The following OVCH1 variants were observed in gnomAD, a reference collection of about 807,000 sequenced individuals.
OVCH1 encodes the protein ovochymase 1.
A neutral mutation model predicts 138.4 loss-of-function variants in OVCH1; 139 were observed. The ratio of observed to expected loss-of-function variants is 1.00; its 90% CI spans 0.87 to 1.16. The LOEUF (loss-of-function observed/expected upper bound fraction) is 1.16. Among genes scored for constraint, OVCH1 ranks in the 50% most tolerant of loss-of-function variants. The pLI, the probability that OVCH1 is intolerant of heterozygous loss-of-function variation, is 0.00. For synonymous variants in OVCH1, 453 were observed against 467.8 expected (o/e 0.97, Z 0.41); for missense variants, 1,367 against 1,357.9 (o/e 1.01, Z -0.11).
chr12:29,492,397 G>T (rs1943297273), intron 4 of OVCH1, among the ~76,000 whole-genome samples: 1 of 152,054 alleles, frequency 6.6e-6, no homozygotes. Flanking sequence ...AGATAATAAT[G>T]ACATTGATTT....
chr12:29,495,834 GT>G (rs987650118), intron 3 of OVCH1, among the ~76,000 whole-genome samples: 4 of 152,098 alleles, frequency 2.6e-5, no homozygotes, highest in African/African-American at 9.7e-5. Context: ...AATTTCTGCA[GT>G]TTTTTCCCTC....
intron 21 of OVCH1, among the ~76,000 whole-genome samples, chr12:29,454,214 C>T (rs1941879683): frequency 6.6e-6 from 1 of 152,136 alleles, no homozygotes; most frequent in Non-Finnish European, 1.5e-5. Context: ...AGTCATCACT[C>T]TTGCAATTCT....
chr12:29,410,770 A>G (rs1940944169), downstream of OVCH1, among the ~76,000 whole-genome samples: 1 of 151,572 alleles, frequency 6.6e-6, no homozygotes, highest in South Asian at 2.1e-4. Flanking sequence ...AACTTTGGTG[A>G]ATCTGACAAT....
chr12:29,460,778 C>T (rs1650221594), intron 19 of OVCH1, among the ~76,000 whole-genome samples: 1 of 151,914 alleles, frequency 6.6e-6, no homozygotes, highest in South Asian at 2.1e-4. Flanking sequence ...CCATCTCCTC[C>T]CTTTCCTACT....
intron 18 of OVCH1, among the ~76,000 whole-genome samples, chr12:29,462,978 G>A (rs999366644): frequency 1.3e-5 from 2 of 152,146 alleles, no homozygotes; most frequent in East Asian, 1.9e-4. Flanking sequence ...GAATGAATTC[G>A]TCTTTTATAA....
chr12:29,409,000 T>G (rs1940918387), downstream of OVCH1, among the ~76,000 whole-genome samples: 3 of 152,178 alleles, frequency 2.0e-5, no homozygotes. Flanking sequence ...GTTATTGGTC[T>G]ATTCAGAGAT....
chr12:29,472,943 A>G, intron 15 of OVCH1, 86 bp downstream of exon 15: 1 of 1,156,778 alleles, frequency 8.6e-7, no homozygotes, highest in East Asian at 2.5e-5. Flanking sequence ...AGTTATAGCC[A>G]ATGTAAGATA....
chr12:29,411,991 TAAGC>T (rs1051005779), downstream of OVCH1, among the ~76,000 whole-genome samples: 4 of 143,970 alleles, frequency 2.8e-5, no homozygotes, highest in African/African-American at 5.0e-5. Flanking sequence ...TTTATTTACC[TAAGC>T]AAGCCTGGGC....
intron 21 of OVCH1, 77 bp downstream of exon 21, chr12:29,454,764 T>A (rs1941897220): frequency 7.6e-7 from 1 of 1,320,842 alleles, no homozygotes; most frequent in African/African-American, 1.5e-5. Context: ...ATAGAAAATT[T>A]AGCAAAGCTA....
At chr12:29,466,424 A>G (rs1434580572) in intron 16 of OVCH1, among the ~76,000 whole-genome samples, 1 of 141,636 alleles carries the variant, frequency 7.1e-6, no homozygotes, top group African/African-American at 3.1e-5. Flanking sequence ...CTTCTGGTCT[A>G]TATTTTACTG....
At chr12:29,496,042 A>T in intron 3 of OVCH1, 139 bp downstream of exon 3, 1 of 689,354 alleles carries the variant, frequency 1.5e-6, no homozygotes, top group Non-Finnish European at 2.4e-6. Context: ...TCTGGGAATC[A>T]GGAAGATCAG....
chr12:29,442,970 G>A (rs1019862043), intron 25 of OVCH1, among the ~76,000 whole-genome samples: 14 of 151,914 alleles, frequency 9.2e-5, no homozygotes, highest in African/African-American at 2.9e-4. Flanking sequence ...TTAAATTAAA[G>A]TAACCAGGCT....
intron 3 of OVCH1, among the ~76,000 whole-genome samples, chr12:29,421,258 A>G (rs1055316984): frequency 1.3e-4 from 20 of 152,368 alleles, no homozygotes; most frequent in South Asian, 1.2e-3. Context: ...CTGGAATGCT[A>G]CGTTTGTCTT....
exon 12 of OVCH1, chr12:29,477,116 T>G: frequency 6.2e-7 from 1 of 1,609,774 alleles, no homozygotes; most frequent in Non-Finnish European, 8.5e-7. Flanking sequence ...ATAATGTGCT[T>G]CTCTGGAGCA....
At chr12:29,437,434 T>G (rs1412020966) in intron 26 of OVCH1, among the ~76,000 whole-genome samples, 1 of 152,206 alleles carries the variant, frequency 6.6e-6, no homozygotes, top group Non-Finnish European at 1.5e-5. Flanking sequence ...TCGAGTTAAC[T>G]AGAGGTAGAT....
chr12:29,451,360 T>G, exon 22 of OVCH1: 1 of 1,612,498 alleles, frequency 6.2e-7, no homozygotes, highest in Non-Finnish European at 8.5e-7. Flanking sequence ...GTCTTTCTCT[T>G]ACTGTGTCTT....
chr12:29,491,184 C>G, exon 5 of OVCH1: 1 of 1,613,352 alleles, frequency 6.2e-7, no homozygotes, highest in African/African-American at 1.3e-5. Context: ...ATTGGCTGAA[C>G]AGCATTTCCT....
intron 25 of OVCH1, chr12:29,440,687 C>G (rs1161158930): frequency 2.2e-6 from 1 of 455,406 alleles, no homozygotes; most frequent in Non-Finnish European, 4.4e-6. Context: ...AAGCTGTGGT[C>G]TTCTTGGTGC....
chr12:29,477,048 C>G, intron 12 of OVCH1, 54 bp downstream of exon 12: 1 of 1,475,440 alleles, frequency 6.8e-7, no homozygotes, highest in Admixed American at 2.5e-5. Context: ...TAAGTTCTGC[C>G]TAACTAACGT....
Sources: gnomAD v4.1 joint callset for allele counts (sites outside exome capture counted in the v4.1 genomes callset) on GRCh38, gnomAD v4.1.1 for gene constraint, MANE v1.5 for transcripts, NCBI Gene and HGNC (gene_info 2026-07-23, HGNC 2026-07-21) for gene names.